Variants in TENM4 observed in about 807,000 individuals in gnomAD.
TENM4 encodes teneurin-4.
Under a neutral mutation model 243.3 loss-of-function variants are expected in TENM4, and 82 were observed. The ratio of observed to expected loss-of-function variants is 0.34; its 90% CI spans 0.28 to 0.40. The LOEUF is 0.40. Among genes scored for constraint, TENM4 ranks in the 10% least tolerant of loss-of-function variants. The pLI is 1.00. For synonymous variants in TENM4, 1,412 were observed against 1,456.3 expected (o/e 0.97, Z 0.69); for missense variants, 3,138 against 3,673.3 (o/e 0.85, Z 3.77).
intron 6 of TENM4, among the ~76,000 whole-genome samples, chr11:79,022,783 A>G (rs750100894): frequency 3.3e-5 from 5 of 152,174 alleles, no homozygotes; most frequent in Non-Finnish European, 5.9e-5. Flanking sequence ...AGCATGATGA[A>G]TATATTGAGA....
intron 6 of TENM4, among the ~76,000 whole-genome samples, chr11:79,036,757 G>A (rs1591229675): frequency 1.3e-5 from 2 of 152,046 alleles, no homozygotes; most frequent in Admixed American, 6.6e-5. Flanking sequence ...CACGCCTGTA[G>A]TCCCAGCACT....
chr11:78,999,998 G>C (rs1858273983), intron 6 of TENM4, among the ~76,000 whole-genome samples: 1 of 152,176 alleles, frequency 6.6e-6, no homozygotes, highest in Non-Finnish European at 1.5e-5. Flanking sequence ...AAGACACAGA[G>C]AAAATTTTGA....
intron 4 of TENM4, among the ~76,000 whole-genome samples, chr11:79,138,340 A>G (rs1386846782): frequency 8.4e-6 from 1 of 118,512 alleles, no homozygotes; most frequent in East Asian, 2.3e-4. Flanking sequence ...TTATATATAT[A>G]ATATATAAAA....
Position 79,052,679 on chromosome 11 carries a change from A to G in TENM4, c.493+12059T>C, listed in dbSNP as rs551196953. On this transcript the variant is annotated intron_variant, in intron 6 of 33. Transcript: ENST00000278550. Reference sequence around the variant, plus strand: ...GAAGCAGTTAACAGCAGCATCCATCACAGCTTATGCACCCTTTCAGTCTCT... The same window carrying G: ...GAAGCAGTTAACAGCAGCATCCATCGCAGCTTATGCACCCTTTCAGTCTCT... Among the ~76,000 whole-genome samples the G allele has an allele frequency of 7.4e-4, 112 of 152,332 alleles. 1 individual carries two copies. The highest frequency in any genetic ancestry group is 2.6e-3 in the African/African-American group (107 of 41,566).
chr11:78,968,327 C>G (rs1165320967), intron 6 of TENM4, among the ~76,000 whole-genome samples: 1 of 152,176 alleles, frequency 6.6e-6, no homozygotes, highest in East Asian at 1.9e-4. Context: ...CTCTGTCACC[C>G]AGGCTGGAGT....
At chr11:79,138,726 TTATATAAATA>T (rs1862176630) in intron 4 of TENM4, among the ~76,000 whole-genome samples, 1 of 111,318 alleles carries the variant, frequency 9.0e-6, no homozygotes, top group Non-Finnish European at 1.7e-5. Flanking sequence ...TACATTATAT[TTATATAAATA>T]CATAAAACAT....
chr11:79,119,543 G>T (rs1861695946), intron 4 of TENM4, among the ~76,000 whole-genome samples: 1 of 152,228 alleles, frequency 6.6e-6, no homozygotes, highest in Admixed American at 6.5e-5. Flanking sequence ...GACACATTTA[G>T]TATTCTAATC....
At chr11:79,371,282 G>A (rs1357156676) in intron 1 of TENM4, among the ~76,000 whole-genome samples, 1 of 152,192 alleles carries the variant, frequency 6.6e-6, no homozygotes, top group African/African-American at 2.4e-5. Flanking sequence ...TTCTGTCCCA[G>A]GTGCACAGCC....
chr11:78,663,644 G>A (rs561886121), intron 32 of TENM4, among the ~76,000 whole-genome samples: 1 of 152,244 alleles, frequency 6.6e-6, no homozygotes, highest in South Asian at 2.1e-4. Flanking sequence ...TGCTTATAGA[G>A]CCTGCAGAAC....
chr11:78,759,349 GA>G (rs2135961195), intron 18 of TENM4, among the ~76,000 whole-genome samples: 1 of 152,342 alleles, frequency 6.6e-6, no homozygotes, highest in African/African-American at 2.4e-5. Context: ...ATGTTAGCAT[GA>G]CAGATTCAGC....
intron 6 of TENM4, among the ~76,000 whole-genome samples, chr11:79,022,243 T>C (rs973479242): frequency 2.0e-5 from 3 of 152,210 alleles, no homozygotes. Flanking sequence ...GTTATAAAGA[T>C]ACCATTTTGC....
intron 6 of TENM4, among the ~76,000 whole-genome samples, chr11:79,041,689 A>C (rs1859537020): frequency 6.6e-6 from 1 of 152,190 alleles, no homozygotes; most frequent in South Asian, 2.1e-4. Context: ...AAAGGTGTCA[A>C]ATCCTCCAGT....
chr11:79,347,218 A>C (rs533624953), intron 1 of TENM4, among the ~76,000 whole-genome samples: 1 of 152,174 alleles, frequency 6.6e-6, no homozygotes, highest in Non-Finnish European at 1.5e-5. Flanking sequence ...TGTCTGCTAC[A>C]TAAATAAAGC....
intron 31 of TENM4, 44 bp downstream of exon 31, chr11:78,671,989 C>T: frequency 6.3e-7 from 1 of 1,575,184 alleles, no homozygotes; most frequent in Non-Finnish European, 8.6e-7. Flanking sequence ...AATGATTGGC[C>T]TTCTGTATGG....
chr11:79,031,821 T>C (rs1232250617), intron 6 of TENM4, among the ~76,000 whole-genome samples: 1 of 152,172 alleles, frequency 6.6e-6, no homozygotes, highest in African/African-American at 2.4e-5. Context: ...ATGAGCAATT[T>C]TGCTATCCAG....
At chr11:79,142,429 GAAATA>G (rs1225842759) in intron 4 of TENM4, among the ~76,000 whole-genome samples, 2 of 151,778 alleles carry the variant, frequency 1.3e-5, no homozygotes, top group Non-Finnish European at 2.9e-5. Context: ...ATTTACCAAA[GAAATA>G]AAAGATCTCT....
chr11:79,010,576 A>G (rs954399015), intron 6 of TENM4, among the ~76,000 whole-genome samples: 2 of 152,162 alleles, frequency 1.3e-5, no homozygotes, highest in Admixed American at 6.5e-5. Context: ...TATGGTGGAA[A>G]GCAAGGAGGA....
At chr11:79,003,349 T>C (rs1858384732) in intron 6 of TENM4, among the ~76,000 whole-genome samples, 1 of 151,864 alleles carries the variant, frequency 6.6e-6, no homozygotes, top group South Asian at 2.1e-4. Flanking sequence ...ACACACAGTC[T>C]TCATATTCTC....
rs182275338 is a variant in TENM4, at chr11:78,863,456, G to A, written c.1085-324C>T. ...GAAAAACTGCAATTGGTATGACAAT[G>A]TTAATTTCCTTAACGCAAAAATAAC... On this transcript the variant is annotated intron_variant, in intron 9 of 33. Transcript: ENST00000278550. 7.2e-5 allele frequency among the ~76,000 whole-genome samples: 11 copies of A among 152,314 alleles called. No individual in the cohort carries two copies. In the East Asian group the frequency reaches 1.5e-3, roughly 21 times the overall value.
Sources: allele counts gnomAD v4.1 joint callset (sites outside exome capture counted in the v4.1 genomes callset), GRCh38; gene constraint gnomAD v4.1.1; transcripts MANE v1.5; gene names NCBI Gene and HGNC (gene_info 2026-07-23, HGNC 2026-07-21).